The following CADM2 variants were observed in gnomAD, a reference collection of about 807,000 sequenced individuals.
CADM2 encodes the protein cell adhesion molecule 2.
A neutral mutation model predicts 49.8 loss-of-function variants in CADM2; 12 were observed. The ratio of observed to expected loss-of-function variants is 0.24; its 90% CI spans 0.15 to 0.39. The LOEUF is 0.39. Ranked by LOEUF, CADM2 falls within the 10% of genes least tolerant of loss-of-function variation. The pLI is 1.00. For synonymous variants in CADM2, 214 were observed against 175.4 expected, an observed-to-expected ratio of 1.22 and a Z score of -1.74; for missense variants, 378 against 492.3, an observed-to-expected ratio of 0.77 and a Z score of 2.20.
At chr3:85,231,440 A>G (rs929963000) in intron 1 of CADM2, among the ~76,000 whole-genome samples, 2 of 152,016 alleles carry the variant, frequency 1.3e-5, no homozygotes, top group Non-Finnish European at 2.9e-5. Flanking sequence ...AATAAGAAAA[A>G]AAAACAGAAG....
intron 2 of CADM2, among the ~76,000 whole-genome samples, chr3:85,801,401 A>C (rs1559667006): frequency 1.3e-5 from 2 of 152,150 alleles, no homozygotes; most frequent in East Asian, 3.8e-4. Flanking sequence ...AACAAAGAAG[A>C]GTATTAACCT....
chr3:86,066,576 C>G (rs1056569560), intron 9 of CADM2, 89 bp from the exon 10 acceptor site: 19 of 1,017,794 alleles, frequency 1.9e-5, no homozygotes, highest in Non-Finnish European at 2.9e-5. Flanking sequence ...AAAAATCTGG[C>G]AAAAGTTTCT....
chr3:85,984,302 T>A (rs1433564516), intron 8 of CADM2, among the ~76,000 whole-genome samples: 4 of 151,222 alleles, frequency 2.6e-5, no homozygotes, highest in African/African-American at 9.7e-5. Context: ...TGATTTCTAG[T>A]ATTAATATAA....
At chr3:85,438,511 A>AG (rs2037038099) in intron 1 of CADM2, among the ~76,000 whole-genome samples, 2 of 152,204 alleles carry the variant, frequency 1.3e-5, no homozygotes, top group African/African-American at 2.4e-5. Context: ...ACAATTTCTA[A>AG]GAAAAAAAGA....
intron 1 of CADM2, among the ~76,000 whole-genome samples, chr3:85,255,841 C>T (rs1410672053): frequency 6.6e-6 from 1 of 152,064 alleles, no homozygotes; most frequent in Non-Finnish European, 1.5e-5. Flanking sequence ...CATGTTGTTT[C>T]TGTTTCACCA....
intron 8 of CADM2, among the ~76,000 whole-genome samples, chr3:85,985,900 G>T (rs1728046221): frequency 6.6e-6 from 1 of 151,912 alleles, no homozygotes; most frequent in South Asian, 2.1e-4. Context: ...TATTTAATGT[G>T]GACATTTTAA....
At chr3:85,913,348 G>GAGAT (rs1428686646) in intron 6 of CADM2, among the ~76,000 whole-genome samples, 1 of 152,082 alleles carries the variant, frequency 6.6e-6, no homozygotes, top group Non-Finnish European at 1.5e-5. Context: ...TAGAGGATAG[G>GAGAT]AGATAATATG....
At chr3:85,794,495 A>G (rs2071509247) in intron 2 of CADM2, among the ~76,000 whole-genome samples, 1 of 152,200 alleles carries the variant, frequency 6.6e-6, no homozygotes, top group Non-Finnish European at 1.5e-5. Flanking sequence ...CACAAATGAT[A>G]AGAGGAAGTA....
At chr3:85,579,643 T>A (rs193106274) in intron 1 of CADM2, among the ~76,000 whole-genome samples, 1 of 152,222 alleles carries the variant, frequency 6.6e-6, no homozygotes, top group Non-Finnish European at 1.5e-5. Flanking sequence ...TTCTTAAATG[T>A]TACTAAAATT....
intron 1 of CADM2, among the ~76,000 whole-genome samples, chr3:85,236,786 T>C (rs894635562): frequency 6.6e-6 from 1 of 151,992 alleles, no homozygotes; most frequent in Non-Finnish European, 1.5e-5. Context: ...AAGTCATTGA[T>C]AGGGCTCGTA....
chr3:85,262,156 C>A (rs2043025875), intron 1 of CADM2, among the ~76,000 whole-genome samples: 1 of 151,954 alleles, frequency 6.6e-6, no homozygotes, highest in African/African-American at 2.4e-5. Context: ...TGATATTAAA[C>A]CATATTAAAT....
chr3:85,003,738 T>A (rs1163821178), intron 1 of CADM2, among the ~76,000 whole-genome samples: 1 of 152,130 alleles, frequency 6.6e-6, no homozygotes, highest in Non-Finnish European at 1.5e-5. Context: ...CTTACCTTAC[T>A]ATTGAAAACT....
At chr3:85,776,784 T>G (rs1294129343) in intron 2 of CADM2, among the ~76,000 whole-genome samples, 2 of 152,136 alleles carry the variant, frequency 1.3e-5, no homozygotes, top group African/African-American at 4.8e-5. Flanking sequence ...CAGTGCTAAT[T>G]GTTTTTACTT....
intron 1 of CADM2, among the ~76,000 whole-genome samples, chr3:85,011,742 C>T (rs1408490985): frequency 6.6e-6 from 1 of 151,624 alleles, no homozygotes; most frequent in African/African-American, 2.4e-5. Flanking sequence ...TTAAGTTAGC[C>T]AGGCAGATAT....
At chr3:85,492,320 G>T (rs534152493) in intron 1 of CADM2, among the ~76,000 whole-genome samples, 11 of 152,132 alleles carry the variant, frequency 7.2e-5, no homozygotes, top group Non-Finnish European at 1.6e-4. Flanking sequence ...AGCCAGGCGT[G>T]GTGGCTCATG....
At chr3:85,752,125 A>T (rs1431721008) in intron 2 of CADM2, among the ~76,000 whole-genome samples, 2 of 152,138 alleles carry the variant, frequency 1.3e-5, no homozygotes, top group Admixed American at 6.6e-5. Flanking sequence ...TACCACCAAT[A>T]CTCAACCTGA....
chr3:85,421,662 G>A (rs1362506038), intron 1 of CADM2, among the ~76,000 whole-genome samples: 1 of 152,060 alleles, frequency 6.6e-6, no homozygotes, highest in African/African-American at 2.4e-5. Flanking sequence ...CACATTATTT[G>A]TGCTTTGCTG....
chr3:85,526,698 C>G (rs1164257142), intron 1 of CADM2, among the ~76,000 whole-genome samples: 2 of 152,090 alleles, frequency 1.3e-5, no homozygotes, highest in African/African-American at 2.4e-5. Flanking sequence ...CACACTAGAT[C>G]CCTAAAATGC....
intron 1 of CADM2, among the ~76,000 whole-genome samples, chr3:85,582,744 C>A (rs566505620): frequency 6.3e-4 from 96 of 152,202 alleles, no homozygotes; most frequent in African/African-American, 2.2e-3. Context: ...GAACTCTTGG[C>A]AGACATAATT....
Sources: allele counts gnomAD v4.1 joint callset (sites outside exome capture counted in the v4.1 genomes callset), GRCh38; gene constraint gnomAD v4.1.1; transcripts MANE v1.5; gene names NCBI Gene and HGNC (gene_info 2026-07-23, HGNC 2026-07-21).